JDP2: variants seen among roughly 807,000 people sequenced by gnomAD.
JDP2 encodes the protein progesterone receptor co-activator.
JDP2 carries 9 observed loss-of-function variants against 17.1 expected under a neutral mutation model. That is an observed-to-expected ratio of 0.53 (90% confidence interval 0.32 to 0.92). The LOEUF (loss-of-function observed/expected upper bound fraction) is 0.92. Ranked by LOEUF, JDP2 falls within the 40% of genes least tolerant of loss-of-function variation. The pLI, the probability that JDP2 is intolerant of heterozygous loss-of-function variation, is 0.04. For missense variants in JDP2, 179 were observed against 220.0 expected (o/e 0.81, Z 1.18); for synonymous variants, 107 against 95.6 (o/e 1.12, Z -0.69).
chr14:75,441,134 GGAGA>G (rs145100347), intron 2 of JDP2, among the ~76,000 whole-genome samples: 2 of 148,698 alleles, frequency 1.3e-5, no homozygotes, highest in Non-Finnish European at 1.5e-5. Context: ...AGAGAGAGAG[GGAGA>G]GAGAGAGAGA....
intron 1 of JDP2, among the ~76,000 whole-genome samples, chr14:75,429,244 G>T (rs958774304): frequency 6.6e-6 from 1 of 152,098 alleles, no homozygotes; most frequent in Non-Finnish European, 1.5e-5. Flanking sequence ...GCAAGATGGC[G>T]TGGCCCTTGC....
At position 75,437,935 on chromosome 14, in the gene JDP2, G is replaced by C; in HGVS notation, c.15G>C (p.Gln5His). 1 of 1,611,152 alleles carries C rather than the reference G, an allele frequency of 6.2e-7. No homozygotes were observed. Among genetic ancestry groups the C allele is most frequent in the East Asian group, 2.2e-5 (1 of 44,786 alleles). The change falls in exon 2 of 4, where the codon CAG becomes CAC. Residue 5 changes from glutamine (Q) to histidine (H), a missense_variant. Gln to His is a conservative substitution (Grantham distance 24, BLOSUM62 0). Transcript: ENST00000651602. ...CTCCTCCTGCTATGATGCCTGGGCA[G>C]ATCCCGGACCCTTCGGTGACCACAG... MMPGQIPDPSVTTGS... is the reference protein window; with the variant it reads MMPGHIPDPSVTTGS...
At chr14:75,457,902 A>G (rs1373440450) in intron 2 of JDP2, among the ~76,000 whole-genome samples, 1 of 152,264 alleles carries the variant, frequency 6.6e-6, no homozygotes, top group Admixed American at 6.5e-5. Flanking sequence ...GGCCATGCAG[A>G]TGCAAACGGG....
In JDP2 at chr14:75,473,408, A is replaced by G. The variant is rs1886852869; in HGVS notation, c.*3933A>G. The G allele has an allele frequency of 6.6e-6, 1 of 152,214 alleles. No individual in the cohort carries two copies. The highest frequency in any genetic ancestry group is 6.5e-5 in the Admixed American group (1 of 15,276). 9.4% of individuals were successfully genotyped at this position (152,214 alleles called of 1,614,324 possible). On this transcript the variant is annotated 3_prime_UTR_variant, in exon 4 of 4. Transcript: ENST00000651602. ...TATGCTGCCAGTGAGAAACTGTGCA[A>G]AGCAATTTGGAAATAACCAGTAAAA... is the stretch of plus-strand genomic sequence containing the variant.
At chr14:75,451,490 A>C (rs900315668) in intron 2 of JDP2, among the ~76,000 whole-genome samples, 2 of 152,166 alleles carry the variant, frequency 1.3e-5, no homozygotes, top group African/African-American at 4.8e-5. Flanking sequence ...TGGGTCTGCA[A>C]ATCCAGATTT....
At chr14:75,449,034 T>A (rs1885733780) in intron 2 of JDP2, among the ~76,000 whole-genome samples, 1 of 152,192 alleles carries the variant, frequency 6.6e-6, no homozygotes, top group African/African-American at 2.4e-5. Flanking sequence ...CCCTTTCACC[T>A]CGGTAGGGTT....
In JDP2 at chr14:75,469,336, T is replaced by C. The variant is rs1886710899; in HGVS notation, c.353T>C (p.Ile118Thr). ...ATGAACGCAGAGCTGAAGACCCAGA[T>C]TGAGGAGCTGAAGCAGGAGCGGCAG... is the stretch of plus-strand genomic sequence containing the variant. Reference protein sequence around the residue: ...ELMNAELKTQIEELKQERQQL... With the variant: ...ELMNAELKTQTEELKQERQQL... Residue 118 changes from isoleucine to threonine, a missense_variant, in exon 4 of 4, where the codon ATT becomes ACT. Physicochemically the swap from Ile to Thr is moderately conservative, Grantham distance 89. Coordinates refer to ENST00000651602, the MANE Select transcript of JDP2 (RefSeq NM_001135048.2). 4 of 1,614,020 alleles carry C rather than the reference T, an allele frequency of 2.5e-6. No individual in the cohort carries two copies. The highest frequency in any genetic ancestry group is 1.1e-5 in the South Asian group (1 of 91,068).
intron 2 of JDP2, among the ~76,000 whole-genome samples, chr14:75,451,230 A>G (rs1385756236): frequency 6.6e-6 from 1 of 150,574 alleles, no homozygotes; most frequent in Non-Finnish European, 1.5e-5. Flanking sequence ...GCTGGGATGG[A>G]GGATGGTTGT....
chr14:75,463,579 G>A (rs1886433583), intron 3 of JDP2, among the ~76,000 whole-genome samples: 1 of 152,182 alleles, frequency 6.6e-6, no homozygotes, highest in South Asian at 2.1e-4. Context: ...GCTAAGGAAA[G>A]GCTGCTTCAA....
intron 2 of JDP2, among the ~76,000 whole-genome samples, chr14:75,439,335 G>A (rs1378650262): frequency 6.6e-6 from 1 of 152,154 alleles, no homozygotes; most frequent in East Asian, 1.9e-4. Context: ...TATTTTGTTT[G>A]GCCGGCTCAG....
intron 3 of JDP2, among the ~76,000 whole-genome samples, chr14:75,466,825 G>T (rs978808940): frequency 2.6e-5 from 4 of 152,252 alleles, no homozygotes; most frequent in Admixed American, 2.6e-4. Flanking sequence ...CCTCCATTGG[G>T]TTCATAGTCA....
intron 2 of JDP2, among the ~76,000 whole-genome samples, chr14:75,438,571 A>G (rs185189398): frequency 6.6e-6 from 1 of 151,956 alleles, no homozygotes; most frequent in Non-Finnish European, 1.5e-5. Context: ...TCACATCGTG[A>G]CCTCCACCCC....
intron 2 of JDP2, among the ~76,000 whole-genome samples, chr14:75,456,198 A>G (rs1886097921): frequency 6.6e-6 from 1 of 152,186 alleles, no homozygotes; most frequent in Admixed American, 6.5e-5. Context: ...CCAGGGTGGC[A>G]TCAAGAGGAC....
chr14:75,433,466 T>C (rs1884912216), intron 1 of JDP2, among the ~76,000 whole-genome samples: 1 of 151,282 alleles, frequency 6.6e-6, no homozygotes, highest in African/African-American at 2.4e-5. Flanking sequence ...TTTTGTGGCT[T>C]TTCTTCTGCT....
At chr14:75,452,067 C>T (rs912783944) in intron 2 of JDP2, among the ~76,000 whole-genome samples, 5 of 152,218 alleles carry the variant, frequency 3.3e-5, no homozygotes, top group Admixed American at 2.0e-4. Flanking sequence ...TACTGGTGTA[C>T]ACCACTGTGC....
At chr14:75,458,403 T>C (rs1393698513) in intron 2 of JDP2, among the ~76,000 whole-genome samples, 3 of 152,202 alleles carry the variant, frequency 2.0e-5, no homozygotes, top group African/African-American at 7.2e-5. Flanking sequence ...CTCCCACTTA[T>C]TAGTGAGAAC....
At chr14:75,461,616 C>G (rs1886352583) in intron 3 of JDP2, 86 bp downstream of exon 3, 12 of 1,056,828 alleles carry the variant, frequency 1.1e-5, no homozygotes, top group Non-Finnish European at 1.6e-5. Flanking sequence ...TCAGATGTCT[C>G]TGTAGTCAAT....
At chr14:75,427,874 C>G (rs1884592518), upstream of JDP2, 1 of 151,978 alleles carries the variant, frequency 6.6e-6, no homozygotes, top group Admixed American at 6.5e-5. This position sits in a 1 kb window ranked among gnomAD's most constrained non-coding sequence, Gnocchi z 4.4. Context: ...AGCGCCGGCT[C>G]CACACCCCCT....
chr14:75,458,818 G>T (rs1359547540), intron 2 of JDP2, among the ~76,000 whole-genome samples: 1 of 152,200 alleles, frequency 6.6e-6, no homozygotes, highest in Non-Finnish European at 1.5e-5. Context: ...TTACCAAGTG[G>T]GAAAGGAAGG....
Sources: gnomAD v4.1 joint callset for allele counts (sites outside exome capture counted in the v4.1 genomes callset) on GRCh38, gnomAD v4.1.1 for gene constraint, Gnocchi (gnomAD v3.1) non-coding constraint, MANE v1.5 for transcripts, NCBI Gene and HGNC (gene_info 2026-07-23, HGNC 2026-07-21) for gene names.